Variants in GPHN observed in about 807,000 individuals in gnomAD.
The protein encoded by GPHN is gephyrin.
A neutral mutation model predicts 95.5 loss-of-function variants in GPHN; 17 were observed. The ratio of observed to expected loss-of-function variants is 0.18; its 90% CI spans 0.12 to 0.27. The LOEUF (loss-of-function observed/expected upper bound fraction) is 0.27, where lower values mean the gene tolerates loss of function less well. Ranked by LOEUF, GPHN falls within the 10% of genes least tolerant of loss-of-function variation. The probability of loss-of-function intolerance (pLI) is 1.00; values close to 1 mark genes in which losing one functional copy is unlikely to be tolerated. For missense variants in GPHN, 660 were observed against 978.1 expected (o/e 0.67, Z 4.34); for synonymous variants, 320 against 322.5 (o/e 0.99, Z 0.08).
chr14:66,732,762 C>G (rs901334953), intron 2 of GPHN, among the ~76,000 whole-genome samples: 1 of 152,132 alleles, frequency 6.6e-6, no homozygotes, highest in Non-Finnish European at 1.5e-5. Context: ...TGATCCACCC[C>G]CCTCGGCCTC....
At chr14:66,526,177 G>A (rs1566757981) in intron 1 of GPHN, among the ~76,000 whole-genome samples, 2 of 151,966 alleles carry the variant, frequency 1.3e-5, no homozygotes, top group Non-Finnish European at 2.9e-5. Context: ...GTGGTTTGTA[G>A]TTCTCCTTAA....
intron 1 of GPHN, among the ~76,000 whole-genome samples, chr14:66,607,724 T>A (rs139815308): frequency 6.6e-6 from 1 of 152,130 alleles, no homozygotes; most frequent in African/African-American, 2.4e-5. Context: ...CCTGGTTCAA[T>A]CTTTGGAGGT....
chr14:66,985,584 T>C, intron 9 of GPHN: 1 of 724,812 alleles, frequency 1.4e-6, no homozygotes, highest in South Asian at 1.6e-5. Context: ...AGAGAGTCAA[T>C]TGATGTTTTT....
the GPHN span, chr14:67,581,012 C>T: frequency 3.1e-5 from 50 of 1,611,804 alleles, no homozygotes; most frequent in Middle Eastern, 1.6e-4. Context: ...GTGGGACACG[C>T]GTCGTGAAGC....
At chr14:66,871,117 G>C (rs1210172710) in intron 4 of GPHN, among the ~76,000 whole-genome samples, 1 of 152,154 alleles carries the variant, frequency 6.6e-6, no homozygotes, top group Non-Finnish European at 1.5e-5. Flanking sequence ...CTGGGTGACA[G>C]TGAGCTTACA....
chr14:67,529,555 A>T, the GPHN span, among the ~76,000 whole-genome samples: 1 of 152,142 alleles, frequency 6.6e-6, no homozygotes, highest in Admixed American at 6.5e-5. Flanking sequence ...ACATGCACAC[A>T]TATACACGCT....
At chr14:67,586,475 T>A in the GPHN span, 1 of 1,181,618 alleles carries the variant, frequency 8.5e-7, no homozygotes, top group Non-Finnish European at 1.1e-6. Flanking sequence ...ATGTTACCCC[T>A]GGGTTCTGCT....
chr14:66,922,602 C>A, intron 6 of GPHN, 64 bp from the exon 7 acceptor site: 4 of 1,295,022 alleles, frequency 3.1e-6, no homozygotes, highest in Admixed American at 4.1e-5. Context: ...AGTTTGATTG[C>A]CACCATCTTA....
the GPHN span, chr14:67,338,642 G>A: frequency 8.1e-6 from 13 of 1,613,840 alleles, no homozygotes; most frequent in East Asian, 6.7e-5. Flanking sequence ...GAAGATCCTC[G>A]TCCTTCTCTT....
At chr14:67,254,039 C>A in the GPHN span, among the ~76,000 whole-genome samples, 1 of 124,880 alleles carries the variant, frequency 8.0e-6, no homozygotes, top group African/African-American at 3.3e-5. Context: ...CCCCCCCTTA[C>A]AAGTTTTCTT....
chr14:66,805,933 C>T (rs897827546), intron 3 of GPHN, among the ~76,000 whole-genome samples: 1 of 152,220 alleles, frequency 6.6e-6, no homozygotes, highest in Admixed American at 6.5e-5. Context: ...CTGCTAGGCA[C>T]TGCCCCAGTA....
chr14:67,380,533 CTTAACTATTATATGCA>C, the GPHN span: 2 of 440,454 alleles, frequency 4.5e-6, no homozygotes, highest in South Asian at 1.0e-4. Flanking sequence ...ACACTAAAGC[CTTAACTATTATATGCA>C]TTAACTATTA....
chr14:67,088,402 T>TA (rs2076995765), intron 11 of GPHN, among the ~76,000 whole-genome samples: 1 of 152,214 alleles, frequency 6.6e-6, no homozygotes, highest in Non-Finnish European at 1.5e-5. Context: ...TTGCATGTTG[T>TA]AAAAATATGT....
intron 3 of GPHN, among the ~76,000 whole-genome samples, chr14:66,820,471 G>T (rs1320526282): frequency 6.6e-6 from 1 of 152,042 alleles, no homozygotes; most frequent in Non-Finnish European, 1.5e-5. Context: ...ATTATGTGAG[G>T]ACTGTCATCA....
chr14:67,028,198 C>T (rs1457148059), intron 10 of GPHN, among the ~76,000 whole-genome samples: 1 of 152,184 alleles, frequency 6.6e-6, no homozygotes, highest in Non-Finnish European at 1.5e-5. Context: ...CTGCAAATGA[C>T]AGAATTTCTA....
At chr14:67,293,357 C>T in the GPHN span, among the ~76,000 whole-genome samples, 9 of 151,992 alleles carry the variant, frequency 5.9e-5, no homozygotes, top group Admixed American at 1.3e-4. Context: ...ATTATTCTAG[C>T]GTTTTAAGTT....
At chr14:66,508,999 G>A in intron 1 of GPHN, 1 of 259,036 alleles carries the variant, frequency 3.9e-6, no homozygotes, top group Non-Finnish European at 7.5e-6. Context: ...AGAGAGGGGG[G>A]AATCCCATCT....
At position 67,143,451 on chromosome 14, in the gene GPHN, T is replaced by A; in HGVS notation, c.1836+2T>A. Reference sequence around the variant, plus strand: ...GGGGGTGTATCCATGGGGGAAAAGGTATGAAAGATAGGGCTCGTGAAAATG... The same window carrying A: ...GGGGGTGTATCCATGGGGGAAAAGGAATGAAAGATAGGGCTCGTGAAAATG... On this transcript the variant is annotated splice_donor_variant, in intron 18 of 22. Transcript: ENST00000478722. LOFTEE classifies it high-confidence loss of function. 6.5e-7 allele frequency: 1 copy of A among 1,547,484 alleles called. No individual in the cohort carries two copies. The highest frequency in any genetic ancestry group is 8.9e-7 in the Non-Finnish European group (1 of 1,119,338).
At chr14:67,092,464 C>T (rs1204956361) in intron 12 of GPHN, among the ~76,000 whole-genome samples, 3 of 152,020 alleles carry the variant, frequency 2.0e-5, no homozygotes, top group Admixed American at 2.0e-4. Flanking sequence ...CCAGTAATAA[C>T]CAGTGGCACT....
Sources: allele counts gnomAD v4.1 joint callset (sites outside exome capture counted in the v4.1 genomes callset), GRCh38; gene constraint gnomAD v4.1.1; transcripts MANE v1.5; gene names NCBI Gene and HGNC (gene_info 2026-07-23, HGNC 2026-07-21).